THSD7B: variants seen among roughly 807,000 people sequenced by gnomAD.
THSD7B encodes the protein thrombospondin type-1 domain-containing protein 7B.
Under a neutral mutation model 213.6 loss-of-function variants are expected in THSD7B, and 138 were observed. The ratio of observed to expected loss-of-function variants is 0.65; its 90% confidence interval spans 0.56 to 0.74. The LOEUF (loss-of-function observed/expected upper bound fraction) is 0.74, where lower values mean the gene tolerates loss of function less well. Ranked by LOEUF, THSD7B falls within the 30% of genes least tolerant of loss-of-function variation. The pLI is 0.00. For missense variants in THSD7B, 1,931 were observed against 1,991.5 expected, an observed-to-expected ratio of 0.97 and a Z score of 0.58; for synonymous variants, 742 against 687.0, an observed-to-expected ratio of 1.08 and a Z score of -1.25.
chr2:137,130,035 A>C (rs1376215640), intron 5 of THSD7B, among the ~76,000 whole-genome samples: 1 of 152,164 alleles, frequency 6.6e-6, no homozygotes, highest in Non-Finnish European at 1.5e-5. Flanking sequence ...GTAAATTGTC[A>C]ATGCCAGGAA....
chr2:137,322,126 C>G (rs993515591), intron 12 of THSD7B, among the ~76,000 whole-genome samples: 2 of 152,170 alleles, frequency 1.3e-5, no homozygotes, highest in Admixed American at 6.5e-5. Flanking sequence ...ATTTTAAAAC[C>G]TTAAAAAGTC....
chr2:137,309,030 CA>C (rs1289845720), intron 12 of THSD7B, among the ~76,000 whole-genome samples: 7 of 152,070 alleles, frequency 4.6e-5, no homozygotes, highest in Admixed American at 4.6e-4. Flanking sequence ...ATTTGTGAGT[CA>C]AAGAGCAGGA....
intron 12 of THSD7B, among the ~76,000 whole-genome samples, chr2:137,297,398 A>G (rs1683492305): frequency 6.7e-6 from 1 of 150,172 alleles, no homozygotes; most frequent in Non-Finnish European, 1.5e-5. Context: ...ATAGGTAAGT[A>G]TGTGGAGTTC....
rs1052156149 is a variant in THSD7B, at chr2:137,069,852, A to C, written c.950+12622A>C. The stretch of plus-strand genomic sequence containing the variant: ...TACTGTAAACATATATTACATATAA[A>C]ATATATAACTATACATATAAAACAT... On this transcript the variant is annotated intron_variant, in intron 3 of 27. Transcript: ENST00000409968. Among the ~76,000 whole-genome samples, 36 of 150,650 alleles carry C rather than the reference A, an allele frequency of 2.4e-4. 1 individual carries two copies. Among genetic ancestry groups the C allele is most frequent in the South Asian group, 6.2e-4 (3 of 4,810 alleles).
chr2:137,421,922 T>C (rs576616089), intron 14 of THSD7B, among the ~76,000 whole-genome samples: 2 of 152,340 alleles, frequency 1.3e-5, no homozygotes, highest in Admixed American at 1.3e-4. Flanking sequence ...CAATATCACA[T>C]CTGCAAAATC....
chr2:137,266,311 C>G (rs2105088305), intron 10 of THSD7B, among the ~76,000 whole-genome samples: 1 of 152,204 alleles, frequency 6.6e-6, no homozygotes, highest in South Asian at 2.1e-4. Context: ...AAACAAATAA[C>G]CTAAAGTCTA....
chr2:137,173,407 A>G (rs1261589712), intron 7 of THSD7B, among the ~76,000 whole-genome samples: 5 of 152,184 alleles, frequency 3.3e-5, no homozygotes, highest in African/African-American at 4.8e-5. Flanking sequence ...GAGGGTTGTC[A>G]TGATATCTCT....
intron 2 of THSD7B, among the ~76,000 whole-genome samples, chr2:136,931,063 A>G (rs1454193285): frequency 1.3e-5 from 2 of 152,088 alleles, no homozygotes; most frequent in Admixed American, 6.5e-5. Flanking sequence ...TCACGAGGCC[A>G]TAAATATTTA....
At chr2:137,149,445 C>T (rs1679770556) in intron 5 of THSD7B, among the ~76,000 whole-genome samples, 1 of 152,170 alleles carries the variant, frequency 6.6e-6, no homozygotes, top group Non-Finnish European at 1.5e-5. Flanking sequence ...GATAGGTCCA[C>T]CAACAGCTTT....
intron 25 of THSD7B, among the ~76,000 whole-genome samples, chr2:137,660,879 A>G (rs1162300465): frequency 2.0e-5 from 3 of 152,332 alleles, no homozygotes; most frequent in African/African-American, 7.2e-5. Context: ...ACTAAACTAT[A>G]GGCTGTTAAC....
intron 20 of THSD7B, 22 bp from the exon 21 acceptor site, chr2:137,642,466 G>C: frequency 2.5e-6 from 4 of 1,612,262 alleles, no homozygotes; most frequent in Non-Finnish European, 3.4e-6. Context: ...CTGAAAAGCT[G>C]ACACCTCCCT....
chr2:137,421,256 A>C (rs1039906670), intron 14 of THSD7B, among the ~76,000 whole-genome samples: 1 of 152,118 alleles, frequency 6.6e-6, no homozygotes, highest in Admixed American at 6.5e-5. Context: ...GTTGTCCTCC[A>C]ATTCAATTCT....
At chr2:136,857,637 ACG>A (rs1323617062) in intron 1 of THSD7B, among the ~76,000 whole-genome samples, 4 of 149,068 alleles carry the variant, frequency 2.7e-5, no homozygotes, top group Non-Finnish European at 6.0e-5. Context: ...ACACACACAC[ACG>A]AATGAATTTA....
chr2:137,655,510 T>A lies in THSD7B; in HGVS notation c.3955T>A (p.Cys1319Ser), dbSNP rs1392673186. 6.2e-7 allele frequency: 1 copy of A among 1,611,360 alleles called. No homozygotes were observed. Among genetic ancestry groups the A allele is most frequent in the Non-Finnish European group, 8.5e-7 (1 of 1,178,814 alleles). The change falls in exon 22 of 28, where the codon TGT becomes AGT. Residue 1319 changes from cysteine to serine, a missense_variant. Physicochemically the swap from Cys to Ser is moderately radical, Grantham distance 112 (BLOSUM62 -1). Coordinates refer to ENST00000409968, the MANE Select transcript of THSD7B (RefSeq NM_001316349.2). Reference sequence around the variant, plus strand: ...TCCTTTCCTCTCATAGGGTGGAGACTGTGGGGAAGGAGTTCAGATCCGCAG... The same window carrying A: ...TCCTTTCCTCTCATAGGGTGGAGACAGTGGGGAAGGAGTTCAGATCCGCAG... Reference protein sequence around the residue: ...WSACKLEGGDCGEGVQIRSLS... With the variant: ...WSACKLEGGDSGEGVQIRSLS...
At chr2:137,097,182 A>G (rs1688053905) in intron 4 of THSD7B, among the ~76,000 whole-genome samples, 1 of 141,590 alleles carries the variant, frequency 7.1e-6, no homozygotes, top group African/African-American at 2.9e-5. Context: ...AATATTCTCT[A>G]CCTGATACTT....
chr2:136,838,014 T>C (rs1038718349), intron 1 of THSD7B, among the ~76,000 whole-genome samples: 9 of 152,206 alleles, frequency 5.9e-5, no homozygotes, highest in Non-Finnish European at 1.5e-5. Context: ...CTTGACCTCA[T>C]TTTCCTATGC....
intron 14 of THSD7B, among the ~76,000 whole-genome samples, chr2:137,450,015 CAA>C (rs926859536): frequency 6.6e-6 from 1 of 152,010 alleles, no homozygotes; most frequent in Admixed American, 6.6e-5. Context: ...GAAAGGAACA[CAA>C]GAGAAGTATA....
At chr2:136,853,832 C>G (rs1683135544) in intron 1 of THSD7B, among the ~76,000 whole-genome samples, 2 of 152,004 alleles carry the variant, frequency 1.3e-5, no homozygotes, top group Non-Finnish European at 1.5e-5. Flanking sequence ...ATTATATGGA[C>G]TCGTGGATTC....
chr2:137,273,858 A>G (rs1682808131), intron 11 of THSD7B, among the ~76,000 whole-genome samples: 1 of 152,132 alleles, frequency 6.6e-6, no homozygotes, highest in Non-Finnish European at 1.5e-5. Flanking sequence ...TTCTGAGCCC[A>G]GCAAAAGAGC....
Sources: allele counts gnomAD v4.1 joint callset (sites outside exome capture counted in the v4.1 genomes callset), GRCh38; gene constraint gnomAD v4.1.1; transcripts MANE v1.5; gene names NCBI Gene and HGNC (gene_info 2026-07-23, HGNC 2026-07-21).